Variants in ENTREP2 observed in about 807,000 individuals in gnomAD.
ENTREP2 encodes the protein protein ENTREP2.
the ENTREP2 span, among the ~76,000 whole-genome samples, chr15:29,343,027 T>TGGGGGGG: frequency 9.2e-5 from 12 of 130,784 alleles, no homozygotes; most frequent in South Asian, 2.8e-4. Flanking sequence ...TAAAAAGGAA[T>TGGGGGGG]GGGGGGGGTG....
the ENTREP2 span, among the ~76,000 whole-genome samples, chr15:29,524,842 AAT>A: frequency 2.6e-5 from 4 of 152,192 alleles, no homozygotes; most frequent in Non-Finnish European, 5.9e-5. Context: ...TGCAAGATTT[AAT>A]AGAGTGAAAA....
the ENTREP2 span, among the ~76,000 whole-genome samples, chr15:29,655,631 T>C: frequency 6.6e-6 from 1 of 152,110 alleles, no homozygotes; most frequent in African/African-American, 2.4e-5. Flanking sequence ...GAAAGGCTTG[T>C]GGAAAAATTC....
the ENTREP2 span, among the ~76,000 whole-genome samples, chr15:29,285,445 C>T: frequency 6.6e-6 from 1 of 152,274 alleles, no homozygotes; most frequent in African/African-American, 2.4e-5. Context: ...CTATATACAG[C>T]CTTTCCCAAA....
chr15:29,135,273 G>A, the ENTREP2 span, among the ~76,000 whole-genome samples: 5 of 152,158 alleles, frequency 3.3e-5, no homozygotes, highest in African/African-American at 1.2e-4. This position sits in a 1 kb window ranked among gnomAD's most constrained non-coding sequence, Gnocchi z 7.4. Context: ...AAACTGGACT[G>A]TCGGCCTCTC....
chr15:29,602,539 T>G, the ENTREP2 span, among the ~76,000 whole-genome samples: 1 of 152,156 alleles, frequency 6.6e-6, no homozygotes, highest in East Asian at 1.9e-4. Flanking sequence ...ATTATTTATA[T>G]TATTTTATTA....
At chr15:29,520,528 A>G in the ENTREP2 span, among the ~76,000 whole-genome samples, 1 of 152,008 alleles carries the variant, frequency 6.6e-6, no homozygotes, top group Non-Finnish European at 1.5e-5. Context: ...TGGTCACCTG[A>G]CCCTATATTA....
At chr15:29,524,536 T>C in the ENTREP2 span, among the ~76,000 whole-genome samples, 39 of 152,222 alleles carry the variant, frequency 2.6e-4, no homozygotes, top group Non-Finnish European at 5.3e-4. Flanking sequence ...TCCAGAGTTT[T>C]ATAGCTCTAT....
chr15:29,474,544 C>T, the ENTREP2 span, among the ~76,000 whole-genome samples: 1 of 151,994 alleles, frequency 6.6e-6, no homozygotes, highest in African/African-American at 2.4e-5. Flanking sequence ...AGTTCAAGGT[C>T]ATTTCTGTTG....
At chr15:29,481,955 G>A in the ENTREP2 span, among the ~76,000 whole-genome samples, 1 of 152,114 alleles carries the variant, frequency 6.6e-6, no homozygotes, top group African/African-American at 2.4e-5. Context: ...CTCCCCAGAA[G>A]CACAGCTTTC....
chr15:29,393,095 T>C, the ENTREP2 span, among the ~76,000 whole-genome samples: 2 of 152,238 alleles, frequency 1.3e-5, no homozygotes, highest in Non-Finnish European at 2.9e-5. Flanking sequence ...AAATGTTTCA[T>C]ACACTAATGT....
the ENTREP2 span, among the ~76,000 whole-genome samples, chr15:29,576,956 C>G: frequency 2.0e-5 from 3 of 151,868 alleles, no homozygotes; most frequent in Admixed American, 1.3e-4. Context: ...TACAGGCGCC[C>G]GCCACCGCAC....
At chr15:29,134,399 G>GAAA in the ENTREP2 span, among the ~76,000 whole-genome samples, 2 of 152,166 alleles carry the variant, frequency 1.3e-5, no homozygotes, top group Non-Finnish European at 2.9e-5. Context: ...GCCACTGTCT[G>GAAA]CAGCCTGCCT....
chr15:29,589,478 G>C, the ENTREP2 span, among the ~76,000 whole-genome samples: 12 of 152,230 alleles, frequency 7.9e-5, no homozygotes, highest in East Asian at 1.2e-3. Flanking sequence ...TGTAGATGCT[G>C]TTCTGGAATC....
the ENTREP2 span, chr15:29,137,225 T>C: frequency 8.2e-6 from 12 of 1,455,830 alleles, no homozygotes; most frequent in Admixed American, 1.4e-4. Context: ...CAGAGTTATC[T>C]GGGACATCTT....
the ENTREP2 span, among the ~76,000 whole-genome samples, chr15:29,583,014 A>T: frequency 6.6e-6 from 1 of 152,188 alleles, no homozygotes; most frequent in Non-Finnish European, 1.5e-5. Context: ...ACAATATCAA[A>T]CCAGAATGAT....
the ENTREP2 span, among the ~76,000 whole-genome samples, chr15:29,652,413 TG>T: frequency 6.6e-6 from 1 of 152,352 alleles, no homozygotes; most frequent in Non-Finnish European, 1.5e-5. Flanking sequence ...TCAGTCTTCC[TG>T]GTTGCAGGGT....
At chr15:29,550,324 A>T in the ENTREP2 span, among the ~76,000 whole-genome samples, 4 of 152,344 alleles carry the variant, frequency 2.6e-5, no homozygotes, top group Admixed American at 6.5e-5. Flanking sequence ...AGAGTTGATC[A>T]CCAATGAGCA....
the ENTREP2 span, among the ~76,000 whole-genome samples, chr15:29,568,037 G>A: frequency 1.3e-5 from 2 of 152,182 alleles, no homozygotes; most frequent in Non-Finnish European, 2.9e-5. Flanking sequence ...GCATATATAT[G>A]GCAATGGGTC....
chr15:29,413,102 T>C, the ENTREP2 span, among the ~76,000 whole-genome samples: 1 of 152,150 alleles, frequency 6.6e-6, no homozygotes, highest in African/African-American at 2.4e-5. Context: ...TATTTCTAAC[T>C]TAATTAAATT....
Sources: allele counts gnomAD v4.1 joint callset (sites outside exome capture counted in the v4.1 genomes callset), GRCh38; gene constraint gnomAD v4.1.1; non-coding constraint Gnocchi (gnomAD v3.1); transcripts MANE v1.5; gene names NCBI Gene and HGNC (gene_info 2026-07-23, HGNC 2026-07-21).